LY96: variants seen among roughly 807,000 people sequenced by gnomAD.
LY96 encodes the protein myeloid differentiation protein-2.
Under a neutral mutation model 18.9 loss-of-function variants are expected in LY96, and 18 were observed. The ratio of observed to expected loss-of-function variants is 0.95; its 90% CI spans 0.66 to 1.41. The LOEUF is 1.41. LY96 is among the 40% of genes most tolerant of loss of function. The pLI is 0.00. For synonymous variants in LY96, 66 were observed against 62.6 expected (o/e 1.06, Z -0.26); for missense variants, 175 against 182.4 (o/e 0.96, Z 0.23).
chr8:74,033,587 G>T (rs1029488299), downstream of LY96, among the ~76,000 whole-genome samples: 1 of 152,226 alleles, frequency 6.6e-6, no homozygotes, highest in African/African-American at 2.4e-5. Flanking sequence ...GAAGCTGCTA[G>T]ATTCTGCAGT....
chr8:74,061,027 G>A, the LY96 span, among the ~76,000 whole-genome samples: 1 of 152,298 alleles, frequency 6.6e-6, no homozygotes, highest in East Asian at 1.9e-4. Context: ...CAGGTATAAT[G>A]CTATGTAATT....
At chr8:74,002,429 C>T (rs1816315244) in intron 1 of LY96, among the ~76,000 whole-genome samples, 1 of 151,706 alleles carries the variant, frequency 6.6e-6, no homozygotes, top group African/African-American at 2.4e-5. Context: ...TCCTTTTGCT[C>T]TTCTGATTGA....
At chr8:74,032,405 C>T (rs1300249073), downstream of LY96, among the ~76,000 whole-genome samples, 1 of 152,236 alleles carries the variant, frequency 6.6e-6, no homozygotes, top group African/African-American at 2.4e-5. Context: ...TAAAGATCAA[C>T]CCCTGACCGA....
At chr8:74,054,159 C>G in the LY96 span, among the ~76,000 whole-genome samples, 3 of 152,148 alleles carry the variant, frequency 2.0e-5, no homozygotes, top group Admixed American at 6.5e-5. Flanking sequence ...TCCTGAGTAG[C>G]TGGGCCACAG....
chr8:74,047,889 A>C, the LY96 span, among the ~76,000 whole-genome samples: 1 of 151,968 alleles, frequency 6.6e-6, no homozygotes, highest in Admixed American at 6.6e-5. Context: ...ATTTTATTTT[A>C]TTTTATTTTA....
At chr8:74,003,165 C>T (rs1266150421) in intron 1 of LY96, among the ~76,000 whole-genome samples, 1 of 152,006 alleles carries the variant, frequency 6.6e-6, no homozygotes, top group African/African-American at 2.4e-5. Flanking sequence ...AGATTGGCCT[C>T]ACACAGGAAC....
the LY96 span, among the ~76,000 whole-genome samples, chr8:74,050,343 G>A: frequency 6.6e-6 from 1 of 150,988 alleles, no homozygotes; most frequent in Non-Finnish European, 1.5e-5. Context: ...ACTCTATCTC[G>A]ATTAAAAAAA....
chr8:74,013,219 G>T (rs147788915), intron 3 of LY96, among the ~76,000 whole-genome samples: 1 of 151,844 alleles, frequency 6.6e-6, no homozygotes, highest in Admixed American at 6.6e-5. Context: ...TCCACTTCCC[G>T]GGTTCAAGTG....
chr8:74,054,489 CTTTTCTTTTCTTTTT>C, the LY96 span, among the ~76,000 whole-genome samples: 1 of 150,468 alleles, frequency 6.6e-6, no homozygotes, highest in East Asian at 1.9e-4. Context: ...TCCTCATTTT[CTTTTCTTTTCTTTTT>C]TTTTCTTTTC....
At chr8:74,009,116 G>T (rs971661085) in intron 2 of LY96, among the ~76,000 whole-genome samples, 1 of 150,492 alleles carries the variant, frequency 6.6e-6, no homozygotes, top group Non-Finnish European at 1.5e-5. Flanking sequence ...ATCTTTTTTG[G>T]CCAGGCATGG....
chr8:74,059,801 A>C, the LY96 span, among the ~76,000 whole-genome samples: 426 of 152,330 alleles, frequency 2.8e-3, 1 homozygote, highest in African/African-American at 8.8e-3. Flanking sequence ...ACAAACAACA[A>C]AAGTATGAAA....
At chr8:74,031,888 C>T (rs1319254884), downstream of LY96, among the ~76,000 whole-genome samples, 2 of 152,004 alleles carry the variant, frequency 1.3e-5, no homozygotes, top group African/African-American at 4.8e-5. Flanking sequence ...CTTTGGGAGG[C>T]CGAGGTGGGT....
the LY96 span, among the ~76,000 whole-genome samples, chr8:74,061,156 A>C: frequency 5.3e-5 from 8 of 152,274 alleles, no homozygotes; most frequent in African/African-American, 1.7e-4. Flanking sequence ...TATAGACTGA[A>C]TGTTTGTGTC....
At chr8:74,031,570 T>TGCG (rs1175249978), downstream of LY96, among the ~76,000 whole-genome samples, 1 of 150,058 alleles carries the variant, frequency 6.7e-6, no homozygotes, top group African/African-American at 2.5e-5. Flanking sequence ...AGGCGGAGGT[T>TGCG]GCGGTGAGCC....
chr8:74,006,901 A>G (rs1240471123), intron 2 of LY96, among the ~76,000 whole-genome samples: 1 of 152,232 alleles, frequency 6.6e-6, no homozygotes, highest in African/African-American at 2.4e-5. Context: ...AAAAGCAGAC[A>G]CTAAGAAGGA....
chr8:74,088,548 G>A, the LY96 span, among the ~76,000 whole-genome samples: 5 of 151,924 alleles, frequency 3.3e-5, no homozygotes, highest in East Asian at 1.9e-4. Flanking sequence ...AGCTAAAACC[G>A]CAGACTGTGA....
At chr8:74,098,911 C>A in the LY96 span, among the ~76,000 whole-genome samples, 1 of 152,104 alleles carries the variant, frequency 6.6e-6, no homozygotes, top group Non-Finnish European at 1.5e-5. Context: ...TGAAAGGGGT[C>A]CTAGAAAATA....
At chr8:73,998,086 C>A (rs569722585) in intron 1 of LY96, among the ~76,000 whole-genome samples, 2 of 152,254 alleles carry the variant, frequency 1.3e-5, no homozygotes, top group East Asian at 3.9e-4. Context: ...ATGGCTTGGT[C>A]TTTCTCATAA....
chr8:74,002,093 T>C (rs200032495), intron 1 of LY96, among the ~76,000 whole-genome samples: 1,138 of 38,632 alleles, frequency 0.029, 244 homozygotes, highest in African/African-American at 0.11. Context: ...CTTTCTTTCT[T>C]TCTCTCTCTC....
Sources: gnomAD v4.1 joint callset for allele counts (sites outside exome capture counted in the v4.1 genomes callset) on GRCh38, gnomAD v4.1.1 for gene constraint, MANE v1.5 for transcripts, NCBI Gene and HGNC (gene_info 2026-07-23, HGNC 2026-07-21) for gene names.